The following KCNIP4 variants were observed in gnomAD, a reference collection of about 807,000 sequenced individuals.
KCNIP4 encodes Kv channel-interacting protein 4.
A neutral mutation model predicts 34.0 loss-of-function variants in KCNIP4; 12 were observed. The observed-to-expected ratio is 0.35, with a 90% confidence interval of 0.23 to 0.57. KCNIP4 has a LOEUF of 0.57. Ranked by LOEUF, KCNIP4 falls within the 20% of genes least tolerant of loss-of-function variation. KCNIP4 has a pLI of 0.83. For missense variants in KCNIP4, 238 were observed against 311.7 expected (o/e 0.76, Z 1.78); for synonymous variants, 124 against 102.2 (o/e 1.21, Z -1.29).
At chr4:21,211,603 C>T (rs1173664039) in intron 1 of KCNIP4, among the ~76,000 whole-genome samples, 1 of 152,048 alleles carries the variant, frequency 6.6e-6, no homozygotes, top group African/African-American at 2.4e-5. Context: ...ACCGATTGGT[C>T]CCTGCTGCCA....
intron 1 of KCNIP4, among the ~76,000 whole-genome samples, chr4:21,154,561 G>T (rs1299243612): frequency 6.6e-6 from 1 of 152,150 alleles, no homozygotes; most frequent in Non-Finnish European, 1.5e-5. Flanking sequence ...GCCATTATCA[G>T]ATCTGCAATG....
intron 3 of KCNIP4, among the ~76,000 whole-genome samples, chr4:20,824,197 C>T (rs1455149191): frequency 6.6e-6 from 1 of 152,168 alleles, no homozygotes; most frequent in African/African-American, 2.4e-5. Flanking sequence ...ATGCCAGAGG[C>T]ATTTGTGTCT....
At chr4:20,747,611 A>C (rs1752646809) in intron 5 of KCNIP4, among the ~76,000 whole-genome samples, 1 of 151,864 alleles carries the variant, frequency 6.6e-6, no homozygotes, top group African/African-American at 2.4e-5. Flanking sequence ...CCCCATCTTG[A>C]CTTAGTTCAT....
At chr4:21,785,442 A>C (rs28448822) in intron 1 of KCNIP4, among the ~76,000 whole-genome samples, 23,156 of 151,812 alleles carry the variant, frequency 0.15, 1,871 homozygotes, top group Middle Eastern at 0.24. Flanking sequence ...AATACAAAAA[A>C]TTAGCCAGGT....
chr4:20,784,028 A>T (rs953609673), intron 3 of KCNIP4, among the ~76,000 whole-genome samples: 1 of 152,316 alleles, frequency 6.6e-6, no homozygotes, highest in African/African-American at 2.4e-5. Flanking sequence ...TCTCTGAGGC[A>T]TCACAGGGTT....
intron 1 of KCNIP4, among the ~76,000 whole-genome samples, chr4:21,043,585 C>T (rs189606444): frequency 2.2e-4 from 34 of 151,932 alleles, no homozygotes; most frequent in Non-Finnish European, 3.8e-4. Flanking sequence ...GTGATCCACC[C>T]GCCTTGGCCT....
At chr4:21,731,088 T>G (rs1340830675) in intron 1 of KCNIP4, among the ~76,000 whole-genome samples, 1 of 144,670 alleles carries the variant, frequency 6.9e-6, no homozygotes, top group Non-Finnish European at 1.5e-5. Flanking sequence ...CACTCCAGCC[T>G]GGGCAACTGA....
At chr4:21,458,043 G>A (rs1384049171) in intron 1 of KCNIP4, among the ~76,000 whole-genome samples, 4 of 151,102 alleles carry the variant, frequency 2.6e-5, no homozygotes, top group Admixed American at 6.6e-5. Context: ...TGCTCATTGC[G>A]CAGGTTAGTT....
intron 1 of KCNIP4, among the ~76,000 whole-genome samples, chr4:21,111,945 A>G (rs552238554): frequency 8.5e-5 from 13 of 152,334 alleles, no homozygotes; most frequent in African/African-American, 2.9e-4. Context: ...ACCTAGTGCA[A>G]TGATAGAGCA....
intron 1 of KCNIP4, among the ~76,000 whole-genome samples, chr4:21,454,400 G>T (rs358573): frequency 0.16 from 24,352 of 152,074 alleles, 2,127 homozygotes; most frequent in Admixed American, 0.22. Flanking sequence ...AAAAGCTTGA[G>T]AAGGCCGTGA....
chr4:20,813,553 T>C (rs1434737857), intron 3 of KCNIP4, among the ~76,000 whole-genome samples: 1 of 152,198 alleles, frequency 6.6e-6, no homozygotes, highest in African/African-American at 2.4e-5. Flanking sequence ...AATGGGATAA[T>C]GTATAATTTA....
chr4:21,881,947 C>T (rs10516407), intron 1 of KCNIP4, among the ~76,000 whole-genome samples: 22,282 of 152,030 alleles, frequency 0.15, 2,001 homozygotes, highest in Non-Finnish European at 0.2. Context: ...CATATTAAGA[C>T]GGGAAAAGAT....
chr4:20,744,841 T>C (rs911261105), intron 5 of KCNIP4, among the ~76,000 whole-genome samples: 1 of 152,194 alleles, frequency 6.6e-6, no homozygotes, highest in Non-Finnish European at 1.5e-5. Flanking sequence ...TTTGCCTCCC[T>C]AGCCCTAGTA....
intron 1 of KCNIP4, among the ~76,000 whole-genome samples, chr4:21,083,979 A>T (rs1284586420): frequency 6.6e-6 from 1 of 152,008 alleles, no homozygotes; most frequent in Non-Finnish European, 1.5e-5. Context: ...AGGGTCCTGC[A>T]GTCTTTTTCC....
chr4:20,808,954 C>T (rs939153731), intron 3 of KCNIP4, among the ~76,000 whole-genome samples: 1 of 152,196 alleles, frequency 6.6e-6, no homozygotes, highest in Non-Finnish European at 1.5e-5. Flanking sequence ...TCCTCTCTCA[C>T]TCTCAGCAAA....
chr4:21,583,407 A>C (rs12641715), intron 1 of KCNIP4, among the ~76,000 whole-genome samples: 46,267 of 151,640 alleles, frequency 0.31, 7,510 homozygotes, highest in East Asian at 0.62. Flanking sequence ...GTGATACTTA[A>C]ATAAGGCAAT....
intron 1 of KCNIP4, among the ~76,000 whole-genome samples, chr4:21,653,152 A>G (rs563517465): frequency 6.6e-6 from 1 of 152,304 alleles, no homozygotes; most frequent in South Asian, 2.1e-4. Context: ...ATATTTGTGC[A>G]TTGCAATGTA....
At position 20,803,470 on chromosome 4, in the gene KCNIP4, C is replaced by CAA. The variant is rs551176038; in HGVS notation, c.289-44582_289-44581dup. On this transcript the variant is annotated intron_variant, in intron 3 of 8. Transcript: ENST00000382152. ...GAACATGGCAAAACCTCATCTTTAC[C>CAA]AAAAAAAAAAAAAAAAAAAAAAAAA... 2.4e-3 allele frequency among the ~76,000 whole-genome samples: 202 copies of CAA among 85,874 alleles called. 9 individuals carry two copies. Among genetic ancestry groups the CAA allele is most frequent in the Non-Finnish European group, 3.4e-3 (155 of 45,230 alleles). 56.3% of individuals were successfully genotyped at this position (85,874 alleles called of 152,430 possible).
chr4:21,749,513 G>A (rs1349453916), intron 1 of KCNIP4, among the ~76,000 whole-genome samples: 1 of 152,110 alleles, frequency 6.6e-6, no homozygotes, highest in Non-Finnish European at 1.5e-5. Context: ...TCCCAGACAT[G>A]CAGATAGTGG....
Sources: gnomAD v4.1 joint callset for allele counts (sites outside exome capture counted in the v4.1 genomes callset) on GRCh38, gnomAD v4.1.1 for gene constraint, MANE v1.5 for transcripts, NCBI Gene and HGNC (gene_info 2026-07-23, HGNC 2026-07-21) for gene names.